Variants in ZSWIM6 observed in about 807,000 individuals in gnomAD.
ZSWIM6 encodes the protein zinc finger SWIM-type containing 6.
Under a neutral mutation model 113.2 loss-of-function variants are expected in ZSWIM6, and 9 were observed. The observed-to-expected ratio is 0.08, with a 90% CI of 0.05 to 0.14. The LOEUF is 0.14. Among genes scored for constraint, ZSWIM6 ranks in the 10% least tolerant of loss-of-function variants. The pLI is 1.00. For synonymous variants in ZSWIM6, 611 were observed against 606.5 expected (o/e 1.01, Z -0.11); for missense variants, 1,162 against 1,552.2 (o/e 0.75, Z 4.22).
At chr5:61,441,629 T>C (rs1378862555) in intron 1 of ZSWIM6, among the ~76,000 whole-genome samples, 2 of 152,230 alleles carry the variant, frequency 1.3e-5, no homozygotes, top group Admixed American at 1.3e-4. Flanking sequence ...CAGCCCATCT[T>C]GTAGCCTAGG....
At chr5:61,411,247 G>A (rs896084296) in intron 1 of ZSWIM6, among the ~76,000 whole-genome samples, 15 of 152,168 alleles carry the variant, frequency 9.9e-5, no homozygotes, top group African/African-American at 3.6e-4. Flanking sequence ...GTGAATGTTT[G>A]TGTCTTGTTG....
chr5:61,337,755 T>C (rs1392909963), intron 1 of ZSWIM6, among the ~76,000 whole-genome samples: 1 of 152,210 alleles, frequency 6.6e-6, no homozygotes, highest in Non-Finnish European at 1.5e-5. Context: ...CATCTGTAAG[T>C]CTACACAAGC....
intron 1 of ZSWIM6, among the ~76,000 whole-genome samples, chr5:61,385,846 C>G (rs957570480): frequency 2.0e-5 from 3 of 152,102 alleles, no homozygotes; most frequent in Non-Finnish European, 4.4e-5. Context: ...AGGCAAACAC[C>G]CCAGACTGTT....
At chr5:61,369,657 A>G (rs1245596102) in intron 1 of ZSWIM6, among the ~76,000 whole-genome samples, 2 of 152,090 alleles carry the variant, frequency 1.3e-5, no homozygotes, top group African/African-American at 4.8e-5. Flanking sequence ...GTGGTTTATG[A>G]TGATCCTGAC....
chr5:61,476,499 G>T (rs1747709130), intron 2 of ZSWIM6, among the ~76,000 whole-genome samples: 1 of 152,130 alleles, frequency 6.6e-6, no homozygotes, highest in South Asian at 2.1e-4. Context: ...ATTTTAATTA[G>T]ATTATAAAAT....
intron 4 of ZSWIM6, among the ~76,000 whole-genome samples, chr5:61,510,036 C>T (rs1033795866): frequency 6.6e-5 from 10 of 151,674 alleles, no homozygotes; most frequent in African/African-American, 2.2e-4. Context: ...CTAAACAACC[C>T]GATGAGGTTA....
At chr5:61,392,269 A>T (rs1745734850) in intron 1 of ZSWIM6, among the ~76,000 whole-genome samples, 1 of 152,240 alleles carries the variant, frequency 6.6e-6, no homozygotes, top group South Asian at 2.1e-4. Context: ...GTTGCATCCA[A>T]ACTGGCTACA....
chr5:61,516,668 T>G (rs561927384), intron 4 of ZSWIM6, among the ~76,000 whole-genome samples: 1 of 151,722 alleles, frequency 6.6e-6, no homozygotes, highest in South Asian at 2.1e-4. Flanking sequence ...CTTAAATTCT[T>G]GCTTTTAACC....
chr5:61,387,953 A>T (rs1745623438), intron 1 of ZSWIM6, among the ~76,000 whole-genome samples: 1 of 145,150 alleles, frequency 6.9e-6, no homozygotes, highest in South Asian at 2.2e-4. Context: ...TAAGTTTTAC[A>T]GAAGTGATAT....
At chr5:61,469,327 G>C (rs1747511981) in intron 1 of ZSWIM6, among the ~76,000 whole-genome samples, 1 of 152,132 alleles carries the variant, frequency 6.6e-6, no homozygotes, top group South Asian at 2.1e-4. Flanking sequence ...GAAATTTTTT[G>C]GGCATTTGAA....
intron 1 of ZSWIM6, among the ~76,000 whole-genome samples, chr5:61,460,042 T>G (rs543570422): frequency 5.3e-5 from 8 of 152,334 alleles, no homozygotes; most frequent in African/African-American, 1.9e-4. Flanking sequence ...ATTGGTGTAT[T>G]TTCTTTTGTC....
chr5:61,421,489 GA>G (rs1021446387), intron 1 of ZSWIM6, among the ~76,000 whole-genome samples: 3 of 151,888 alleles, frequency 2.0e-5, no homozygotes, highest in Non-Finnish European at 4.4e-5. Flanking sequence ...TGTATCACAT[GA>G]AAAAAAATTT....
intron 1 of ZSWIM6, among the ~76,000 whole-genome samples, chr5:61,384,768 T>C (rs886917137): frequency 6.6e-6 from 1 of 152,006 alleles, no homozygotes; most frequent in Non-Finnish European, 1.5e-5. Context: ...TGTAAAAATC[T>C]TGGAGGAGGC....
At chr5:61,372,533 TG>T (rs1342702157) in intron 1 of ZSWIM6, among the ~76,000 whole-genome samples, 1 of 152,178 alleles carries the variant, frequency 6.6e-6, no homozygotes, top group African/African-American at 2.4e-5. Flanking sequence ...CAAGATCTGT[TG>T]GTTTTTCTCT....
chr5:61,423,318 G>A (rs1746392421), intron 1 of ZSWIM6, among the ~76,000 whole-genome samples: 1 of 151,602 alleles, frequency 6.6e-6, no homozygotes, highest in South Asian at 2.1e-4. Flanking sequence ...TGAGGCAGGA[G>A]AATCGCTTGA....
Position 61,332,604 on chromosome 5 carries a change from A to C in ZSWIM6, c.332A>C (p.Tyr111Ser). Residue 111 changes from tyrosine (Y) to serine (S), a missense_variant, in exon 1 of 14, where the codon TAT (tyrosine) becomes TCT (serine). By Grantham distance (144) the Tyr-to-Ser change is moderately radical. Transcript: ENST00000252744. ...GAGCCGGTGCAGCGCCGCATAGTCT[A>C]TTGGTCCTTCCCCCGCAGCGAGCGG... ...IPEPVQRRIV[Y>S]WSFPRSEREI... 2 of 1,288,004 alleles carry C rather than the reference A, an allele frequency of 1.6e-6. No homozygotes were observed. Among genetic ancestry groups the C allele is most frequent in the East Asian group, 4.9e-5 (1 of 20,480 alleles). The allele number at this position is 1,288,004 out of a possible 1,614,324, so 79.8% of individuals were successfully genotyped here. A position where few individuals can be genotyped will look rare whatever the true frequency, so the allele number is the denominator to read the frequency against.
intron 5 of ZSWIM6, among the ~76,000 whole-genome samples, chr5:61,525,383 C>T (rs1008222242): frequency 1.3e-5 from 2 of 152,108 alleles, no homozygotes; most frequent in African/African-American, 4.8e-5. Context: ...TGGCTGGTGT[C>T]GCATCTCTTG....
rs1428425398 is a variant in ZSWIM6, at chr5:61,472,673, C to T, written c.677-8C>T. ...CTAAACCCTCCCTTTCTTTCTTTCA[C>T]CCTCAAGGTTTCCACTTGAGCGGCA... On this transcript the variant is annotated splice_region_variant and splice_polypyrimidine_tract_variant and intron_variant, in intron 1 of 13. Coordinates refer to ENST00000252744, the MANE Select transcript of ZSWIM6 (RefSeq NM_020928.2). The surrounding 1 kb of genome is among the most constrained non-coding windows in gnomAD (Gnocchi z 4.1). 11 of 1,501,924 alleles carry T rather than the reference C, an allele frequency of 7.3e-6. No homozygotes were observed. The highest frequency in any genetic ancestry group is 1.7e-4 in the Middle Eastern group (1 of 5,760). 93.0% of individuals were successfully genotyped at this position (1,501,924 alleles called of 1,614,324 possible). A position where few individuals can be genotyped will look rare whatever the true frequency, so the allele number is the denominator to read the frequency against.
rs145532115 is a variant in ZSWIM6 at position 61,500,225 on chromosome 5, C to A, written c.1333+5815C>A. Among the ~76,000 whole-genome samples the A allele has an allele frequency of 9.2e-4, 140 of 151,876 alleles. 2 individuals carry two copies. The East Asian group carries it at 0.025, about 28-fold the overall frequency. ...CACCACAATCTCTGCCTCCCAGGTTCCAGTAATTCTCCTACCTTAGCCTCC... is the reference window on the plus strand; with the variant it reads ...CACCACAATCTCTGCCTCCCAGGTTACAGTAATTCTCCTACCTTAGCCTCC... On this transcript the variant is annotated intron_variant, in intron 4 of 13. Transcript: ENST00000252744.
Sources: gnomAD v4.1 joint callset for allele counts (sites outside exome capture counted in the v4.1 genomes callset) on GRCh38, gnomAD v4.1.1 for gene constraint, Gnocchi (gnomAD v3.1) non-coding constraint, MANE v1.5 for transcripts, NCBI Gene and HGNC (gene_info 2026-07-23, HGNC 2026-07-21) for gene names.